PGBD5: variants seen among roughly 807,000 people sequenced by gnomAD.
PGBD5 encodes piggyBac transposable element-derived protein 5.
PGBD5 carries 14 observed loss-of-function variants against 47.9 expected under a neutral mutation model. The observed-to-expected ratio is 0.29, with a 90% confidence interval of 0.19 to 0.46. The LOEUF is 0.46. Ranked by LOEUF, PGBD5 falls within the 20% of genes least tolerant of loss-of-function variation. PGBD5 has a pLI of 1.00. For synonymous variants in PGBD5, 316 were observed against 306.3 expected (o/e 1.03, Z -0.33); for missense variants, 635 against 716.0 (o/e 0.89, Z 1.29).
At position 230,332,940 on chromosome 1, in the gene PGBD5, A is replaced by G. The variant is rs747400702; in HGVS notation, c.1177T>C (p.Tyr393His). ...ATGTTCCCCTTCATCTTGATTTGGTACTGGCCCCGGGCCGGGGGTGTGGCT... is the reference window on the plus strand; with the variant it reads ...ATGTTCCCCTTCATCTTGATTTGGTGCTGGCCCCGGGCCGGGGGTGTGGCT... Reference protein sequence around the residue: ...NPATPPARGQYQIKMKGNMSL... With the variant: ...NPATPPARGQHQIKMKGNMSL... The change falls in exon 5 of 7, where the codon TAC becomes CAC. Residue 393 changes from tyrosine to histidine, a missense_variant. Physicochemically the swap from Tyr to His is moderately conservative, Grantham distance 83. Transcript: ENST00000391860. The G allele has an allele frequency of 6.2e-7, 1 of 1,614,148 alleles. No homozygotes were observed. Among genetic ancestry groups the G allele is most frequent in the Non-Finnish European group, 8.5e-7 (1 of 1,180,006 alleles).
At chr1:230,329,938 G>T (rs1667186287) in intron 5 of PGBD5, among the ~76,000 whole-genome samples, 1 of 152,126 alleles carries the variant, frequency 6.6e-6, no homozygotes, top group African/African-American at 2.4e-5. Flanking sequence ...AGCAGAGAAG[G>T]TATCAACAGA....
At chr1:230,330,391 G>C (rs566079362) in intron 5 of PGBD5, among the ~76,000 whole-genome samples, 22 of 152,196 alleles carry the variant, frequency 1.4e-4, no homozygotes, top group Admixed American at 3.9e-4. Flanking sequence ...TCAAAGATGT[G>C]CCCAAATGTT....
chr1:230,397,473 A>T (rs1386125785), intron 1 of PGBD5, among the ~76,000 whole-genome samples: 1 of 152,216 alleles, frequency 6.6e-6, no homozygotes, highest in Non-Finnish European at 1.5e-5. Context: ...CTAGTTTTTG[A>T]CACATAAAGT....
At chr1:230,370,200 C>T (rs977024644) in intron 1 of PGBD5, among the ~76,000 whole-genome samples, 11 of 152,132 alleles carry the variant, frequency 7.2e-5, no homozygotes, top group Non-Finnish European at 1.2e-4. Context: ...CAGGGCAGGG[C>T]GCTACCTGCC....
chr1:230,368,632 A>T (rs139760606), intron 1 of PGBD5, among the ~76,000 whole-genome samples: 3 of 152,258 alleles, frequency 2.0e-5, no homozygotes, highest in Non-Finnish European at 4.4e-5. Flanking sequence ...CAGCACACAC[A>T]GAAAGTCAAA....
At chr1:230,339,006 T>C (rs555438899) in intron 3 of PGBD5, among the ~76,000 whole-genome samples, 1 of 152,142 alleles carries the variant, frequency 6.6e-6, no homozygotes, top group Non-Finnish European at 1.5e-5. Context: ...AAATTCCTTC[T>C]CATCAACACC....
intron 2 of PGBD5, among the ~76,000 whole-genome samples, chr1:230,355,489 G>A (rs779242485): frequency 6.6e-5 from 10 of 152,320 alleles, no homozygotes; most frequent in Non-Finnish European, 1.3e-4. Context: ...CCAGGCAATC[G>A]TCTCTCATTT....
intron 1 of PGBD5, among the ~76,000 whole-genome samples, chr1:230,393,788 G>C (rs1327323329): frequency 4.3e-5 from 6 of 140,410 alleles, no homozygotes; most frequent in Admixed American, 1.6e-4. Flanking sequence ...TCGCGCCACA[G>C]CACTCCCGCC....
chr1:230,323,731 G>T lies in PGBD5; in HGVS notation c.1380-111C>A. 4 of 1,058,178 alleles carry T rather than the reference G, an allele frequency of 3.8e-6. No homozygotes were observed. The highest frequency in any genetic ancestry group is 2.4e-5 in the Admixed American group (1 of 42,232). 65.5% of individuals were successfully genotyped at this position (1,058,178 alleles called of 1,614,324 possible). ...CGTGAGACGCTGCAGGTTCGCCCCCGACAGAAGCAGGAGGGCTATGGGGGC... is the reference window on the plus strand; with the variant it reads ...CGTGAGACGCTGCAGGTTCGCCCCCTACAGAAGCAGGAGGGCTATGGGGGC... On this transcript the variant is annotated intron_variant, in intron 6 of 6. Transcript: ENST00000391860. This position sits in a 1 kb window ranked among gnomAD's most constrained non-coding sequence, Gnocchi z 4.1.
chr1:230,421,850 T>C (rs572898422), intron 1 of PGBD5, among the ~76,000 whole-genome samples: 21 of 152,276 alleles, frequency 1.4e-4, no homozygotes, highest in African/African-American at 3.1e-4. Context: ...CTTAACACCA[T>C]AGACAGGGTT....
At chr1:230,325,274 A>G in intron 6 of PGBD5, 36 bp downstream of exon 6, 1 of 1,454,418 alleles carries the variant, frequency 6.9e-7, no homozygotes, top group Non-Finnish European at 9.6e-7. Flanking sequence ...CACAACTATG[A>G]GAGCCCTTCT....
At chr1:230,335,798 A>C (rs61824770) in intron 4 of PGBD5, among the ~76,000 whole-genome samples, 65 of 2,104 alleles carry the variant, frequency 0.031, 1 homozygote, top group South Asian at 0.043. Flanking sequence ...CACAGGCACA[A>C]AGACACACAG....
chr1:230,414,250 C>T (rs1657470996), intron 1 of PGBD5, among the ~76,000 whole-genome samples: 1 of 152,136 alleles, frequency 6.6e-6, no homozygotes, highest in Non-Finnish European at 1.5e-5. Context: ...GTCTGTGTGT[C>T]TCCAAAGCTC....
intron 2 of PGBD5, among the ~76,000 whole-genome samples, chr1:230,356,148 G>T (rs560199020): frequency 6.6e-6 from 1 of 152,314 alleles, no homozygotes; most frequent in African/African-American, 2.4e-5. Flanking sequence ...CATGGACCAA[G>T]AACTTCCTGG....
rs773961135 is a variant in PGBD5 at position 230,357,091 on chromosome 1, T to C, written c.562A>G (p.Ile188Val). 1.2e-5 allele frequency: 20 copies of C among 1,614,064 alleles called. No individual in the cohort carries two copies. In the Admixed American group the frequency reaches 3.3e-4, roughly 27 times the overall value. Residue 188 changes from isoleucine to valine, a missense_variant, in exon 2 of 7, where the codon ATC becomes GTC. Physicochemically the swap from Ile to Val is conservative, Grantham distance 29 (BLOSUM62 3). Coordinates refer to ENST00000391860, the MANE Select transcript of PGBD5 (RefSeq NM_001258311.2). The surrounding 1 kb of genome is among the most constrained non-coding windows in gnomAD (Gnocchi z 5.7). Reference protein sequence around the residue: ...SISHCESVLSIWSGGFYSNRS... With the variant: ...SISHCESVLSVWSGGFYSNRS... ...TTGCTGTAGAAGCCTCCGCTCCAGA[T>C]GCTGAGGACGGACTCGCAGTGGGAG...
intron 5 of PGBD5, among the ~76,000 whole-genome samples, chr1:230,327,129 A>G (rs1290843328): frequency 6.6e-6 from 1 of 152,040 alleles, no homozygotes; most frequent in African/African-American, 2.4e-5. Flanking sequence ...CGGCCATTCG[A>G]GAGTGGCTGG....
chr1:230,361,261 G>A (rs751376635), intron 1 of PGBD5, among the ~76,000 whole-genome samples: 5 of 152,196 alleles, frequency 3.3e-5, no homozygotes, highest in Admixed American at 6.5e-5. Flanking sequence ...AAGGGGAAGG[G>A]AGAACCTATG....
At chr1:230,333,076 CA>C (rs752583875) in intron 4 of PGBD5, 35 bp from the exon 5 acceptor site, 2 of 1,557,802 alleles carry the variant, frequency 1.3e-6, no homozygotes, top group African/African-American at 2.7e-5. Flanking sequence ...GCACACTCAC[CA>C]CCATCGGAGA....
chr1:230,378,847 T>A (rs567278897), intron 1 of PGBD5, among the ~76,000 whole-genome samples: 22 of 152,108 alleles, frequency 1.4e-4, no homozygotes, highest in Admixed American at 3.3e-4. Flanking sequence ...TGAATAGGGT[T>A]GATATTACTG....
Sources: gnomAD v4.1 joint callset for allele counts (sites outside exome capture counted in the v4.1 genomes callset) on GRCh38, gnomAD v4.1.1 for gene constraint, Gnocchi (gnomAD v3.1) non-coding constraint, MANE v1.5 for transcripts, NCBI Gene and HGNC (gene_info 2026-07-23, HGNC 2026-07-21) for gene names.